The following RXRA variants were observed in gnomAD, a reference collection of about 807,000 sequenced individuals.
RXRA encodes the protein retinoid X receptor alpha, also known as retinoic acid receptor RXR-alpha.
RXRA carries 5 observed loss-of-function variants against 44.5 expected under a neutral mutation model. The ratio of observed to expected loss-of-function variants is 0.11; its 90% CI spans 0.06 to 0.24. RXRA has a LOEUF of 0.24. Among genes scored for constraint, RXRA ranks in the 10% least tolerant of loss-of-function variants. The pLI is 1.00. For synonymous variants in RXRA, 291 were observed against 271.4 expected (o/e 1.07, Z -0.71); for missense variants, 412 against 646.5 (o/e 0.64, Z 3.93).
intron 1 of RXRA, among the ~76,000 whole-genome samples, chr9:134,393,025 T>A (rs1468329934): frequency 4.1e-5 from 6 of 147,434 alleles, no homozygotes; most frequent in Middle Eastern, 3.2e-3. Context: ...GGCTTCTTCT[T>A]AAAAAAAAAA....
chr9:134,384,030 T>G (rs1830682991), intron 1 of RXRA, among the ~76,000 whole-genome samples: 1 of 152,100 alleles, frequency 6.6e-6, no homozygotes, highest in African/African-American at 2.4e-5. Context: ...CAAAAGCCTA[T>G]CTTCTCCTCA....
At chr9:134,346,988 G>T (rs1201511579) in intron 1 of RXRA, among the ~76,000 whole-genome samples, 2 of 152,220 alleles carry the variant, frequency 1.3e-5, no homozygotes, top group African/African-American at 4.8e-5. Context: ...CCTGGCCCTT[G>T]CGGGGAGGGC....
rs533073475 is a variant in RXRA, at chr9:134,415,978, G to A, written c.611-1180G>A. On this transcript the variant is annotated intron_variant, in intron 4 of 9. Coordinates refer to ENST00000481739, the MANE Select transcript of RXRA (RefSeq NM_002957.6). Reference sequence around the variant, plus strand: ...GTACAATGGGGTAATGTGAGTGCCCGCCCTGTGGGGCGGTGTTGGGGTTGT... The same window carrying A: ...GTACAATGGGGTAATGTGAGTGCCCACCCTGTGGGGCGGTGTTGGGGTTGT... 2.0e-4 allele frequency among the ~76,000 whole-genome samples: 31 copies of A among 152,314 alleles called. 2 individuals carry two copies. In the South Asian group the frequency reaches 5.6e-3, roughly 28 times the overall value.
intron 6 of RXRA, chr9:134,427,026 G>A: frequency 1.0e-6 from 1 of 982,316 alleles, no homozygotes. Flanking sequence ...GTGGGCCCGG[G>A]GCTCCTGTCC....
intron 1 of RXRA, among the ~76,000 whole-genome samples, chr9:134,345,962 C>T (rs1454805954): frequency 2.0e-5 from 3 of 152,168 alleles, no homozygotes; most frequent in Non-Finnish European, 4.4e-5. Context: ...GAGGTCCTCT[C>T]CTATACCTGT....
chr9:134,398,034 C>A (rs559926602), intron 1 of RXRA, among the ~76,000 whole-genome samples: 1 of 151,870 alleles, frequency 6.6e-6, no homozygotes, highest in Non-Finnish European at 1.5e-5. Flanking sequence ...GGCTGGAGTG[C>A]GATGGCGCGA....
chr9:134,378,257 G>A (rs1830588002), intron 1 of RXRA, among the ~76,000 whole-genome samples: 1 of 152,282 alleles, frequency 6.6e-6, no homozygotes, highest in Non-Finnish European at 1.5e-5. Context: ...CCTAGGCAGA[G>A]AGGCGAGTTC....
chr9:134,367,703 C>T (rs1830431734), intron 1 of RXRA, among the ~76,000 whole-genome samples: 1 of 152,184 alleles, frequency 6.6e-6, no homozygotes, highest in African/African-American at 2.4e-5. Flanking sequence ...GCACCATGGT[C>T]CCCCAAGGGG....
intron 1 of RXRA, among the ~76,000 whole-genome samples, chr9:134,381,354 C>T (rs1439980979): frequency 5.3e-5 from 8 of 152,072 alleles, no homozygotes; most frequent in Admixed American, 1.3e-4. Flanking sequence ...TAGTGCTGAC[C>T]GCGCTGGGGC....
At chr9:134,429,797 C>T (rs1436200855) in intron 7 of RXRA, among the ~76,000 whole-genome samples, 1 of 152,190 alleles carries the variant, frequency 6.6e-6, no homozygotes, top group Non-Finnish European at 1.5e-5. Flanking sequence ...CCTGGGTGGT[C>T]CGTGTCCGTT....
At chr9:134,341,084 T>C (rs1246523664) in intron 1 of RXRA, among the ~76,000 whole-genome samples, 2 of 152,118 alleles carry the variant, frequency 1.3e-5, no homozygotes, top group African/African-American at 4.8e-5. Flanking sequence ...AGAGCACAGA[T>C]GGGAGGGTCC....
rs1830100680 is a variant in RXRA, at chr9:134,342,699, A to G, written c.28+16040A>G. On this transcript the variant is annotated intron_variant, in intron 1 of 9. Coordinates refer to ENST00000481739, the MANE Select transcript of RXRA (RefSeq NM_002957.6). The surrounding 1 kb of genome is among the most constrained non-coding windows in gnomAD (Gnocchi z 4.4). ...GCCATGTGTGGTCTCCAGGGCTGAG[A>G]TGGCTGGTGTGGGCCGCCCTGACCT... Among the ~76,000 whole-genome samples the G allele has an allele frequency of 1.3e-5, 2 of 152,106 alleles. No homozygotes were observed. Among genetic ancestry groups the G allele is most frequent in the South Asian group, 2.1e-4 (1 of 4,820 alleles).
At chr9:134,420,280 C>T (rs1239743567) in intron 5 of RXRA, among the ~76,000 whole-genome samples, 1 of 152,240 alleles carries the variant, frequency 6.6e-6, no homozygotes, top group Non-Finnish European at 1.5e-5. Flanking sequence ...GAAGGAGAGG[C>T]TGAGGCTAAG....
chr9:134,344,993 C>T (rs1830132920), intron 1 of RXRA, among the ~76,000 whole-genome samples: 1 of 152,144 alleles, frequency 6.6e-6, no homozygotes, highest in Admixed American at 6.5e-5. Flanking sequence ...GCTCTGCCTC[C>T]TGCACCCCTG....
At chr9:134,363,393 G>A (rs926348656) in intron 1 of RXRA, among the ~76,000 whole-genome samples, 7 of 152,246 alleles carry the variant, frequency 4.6e-5, no homozygotes, top group African/African-American at 1.7e-4. Flanking sequence ...GAAGGCATCC[G>A]TTTAGGGAGT....
At chr9:134,379,493 C>T (rs1830607955) in intron 1 of RXRA, 1 of 986,484 alleles carries the variant, frequency 1.0e-6, no homozygotes, top group African/African-American at 1.7e-5. Flanking sequence ...GAGTCGCTGC[C>T]CATCACTGAC....
intron 1 of RXRA, among the ~76,000 whole-genome samples, chr9:134,383,234 G>A (rs760327898): frequency 3.6e-4 from 55 of 152,210 alleles, no homozygotes; most frequent in Non-Finnish European, 6.2e-4. Context: ...TTGCTCTGGG[G>A]GTCTTTGTCT....
chr9:134,335,932 C>T (rs1829994783), intron 1 of RXRA, among the ~76,000 whole-genome samples: 1 of 152,168 alleles, frequency 6.6e-6, no homozygotes, highest in East Asian at 1.9e-4. Flanking sequence ...TGCCCGGGAG[C>T]CCCCTGTGTG....
At chr9:134,354,461 A>G (rs1180566365) in intron 1 of RXRA, among the ~76,000 whole-genome samples, 3 of 152,202 alleles carry the variant, frequency 2.0e-5, no homozygotes, top group East Asian at 1.9e-4. Flanking sequence ...CCAGCCCCAC[A>G]CTGCCGTGGC....
Sources: gnomAD v4.1 joint callset for allele counts (sites outside exome capture counted in the v4.1 genomes callset) on GRCh38, gnomAD v4.1.1 for gene constraint, Gnocchi (gnomAD v3.1) non-coding constraint, MANE v1.5 for transcripts, NCBI Gene and HGNC (gene_info 2026-07-23, HGNC 2026-07-21) for gene names.